TRIO: variants seen among roughly 807,000 people sequenced by gnomAD.
TRIO encodes the protein triple functional domain protein.
In TRIO, 58 loss-of-function variants were observed where a neutral mutation model predicts 351.9. The observed-to-expected ratio is 0.16, with a 90% confidence interval of 0.13 to 0.21. The LOEUF (loss-of-function observed/expected upper bound fraction) is 0.21, where lower values mean the gene tolerates loss of function less well. Among genes scored for constraint, TRIO ranks in the 10% least tolerant of loss-of-function variants. The pLI, the probability that TRIO is intolerant of heterozygous loss-of-function variation, is 1.00. For missense variants in TRIO, 3,201 were observed against 4,027.8 expected (o/e 0.79, Z 5.56); for synonymous variants, 1,758 against 1,595.7 (o/e 1.10, Z -2.42).
intron 1 of TRIO, among the ~76,000 whole-genome samples, chr5:14,232,046 A>G (rs746525495): frequency 2.0e-5 from 3 of 152,178 alleles, no homozygotes; most frequent in Non-Finnish European, 2.9e-5. Context: ...ATAAAAGCAT[A>G]CTATGTTATC....
At chr5:14,397,441 A>G in intron 29 of TRIO, 1 of 320,796 alleles carries the variant, frequency 3.1e-6, no homozygotes, top group Non-Finnish European at 5.8e-6. Context: ...TCCCTGTTAG[A>G]TGGATGGGTA....
intron 19 of TRIO, 35 bp from the exon 20 acceptor site, chr5:14,377,977 A>T: frequency 6.5e-7 from 1 of 1,527,716 alleles, no homozygotes; most frequent in Non-Finnish European, 9.0e-7. Context: ...ATTGATTGCA[A>T]GCACCAACAT....
At chr5:14,268,073 A>G (rs1241845433) in intron 1 of TRIO, among the ~76,000 whole-genome samples, 1 of 152,208 alleles carries the variant, frequency 6.6e-6, no homozygotes, top group Non-Finnish European at 1.5e-5. Flanking sequence ...TTCTTCCTCT[A>G]GAAAGACTGA....
At chr5:14,496,827 C>G (rs1215208581) in intron 49 of TRIO, 52 bp from the exon 50 acceptor site, 3 of 1,598,648 alleles carry the variant, frequency 1.9e-6, no homozygotes, top group Non-Finnish European at 1.7e-6. Flanking sequence ...CCAGGCAGCA[C>G]TTGGTGAATG....
intron 6 of TRIO, among the ~76,000 whole-genome samples, chr5:14,296,041 G>C (rs546954781): frequency 1.3e-5 from 2 of 152,350 alleles, no homozygotes; most frequent in East Asian, 3.9e-4. Context: ...TGGGTGGTCT[G>C]CAGGCAGCAA....
chr5:14,430,279 T>A (rs539337625), intron 34 of TRIO, among the ~76,000 whole-genome samples: 1 of 151,666 alleles, frequency 6.6e-6, no homozygotes, highest in African/African-American at 2.4e-5. Flanking sequence ...TCATATAAAT[T>A]ATATCTTGAG....
intron 1 of TRIO, among the ~76,000 whole-genome samples, chr5:14,246,602 C>A (rs1242651613): frequency 1.3e-5 from 2 of 152,316 alleles, no homozygotes; most frequent in African/African-American, 4.8e-5. Flanking sequence ...CCTCTTCTTC[C>A]CAGCTGAGGC....
chr5:14,355,832 A>G (rs1743566805), intron 11 of TRIO, among the ~76,000 whole-genome samples: 1 of 152,218 alleles, frequency 6.6e-6, no homozygotes, highest in African/African-American at 2.4e-5. Flanking sequence ...GTGGAATTAA[A>G]TACTGATGCC....
chr5:14,360,952 G>A (rs1744096338), intron 13 of TRIO, among the ~76,000 whole-genome samples: 1 of 152,208 alleles, frequency 6.6e-6, no homozygotes, highest in African/African-American at 2.4e-5. Flanking sequence ...GCCATGTGGA[G>A]AAGAGGCACC....
intron 34 of TRIO, among the ~76,000 whole-genome samples, chr5:14,452,902 T>C (rs922598297): frequency 6.6e-6 from 1 of 152,140 alleles, no homozygotes; most frequent in Non-Finnish European, 1.5e-5. Context: ...AAAAAACTTT[T>C]TTTTTAAGGT....
chr5:14,252,813 G>A (rs1234261118), intron 1 of TRIO, among the ~76,000 whole-genome samples: 1 of 151,780 alleles, frequency 6.6e-6, no homozygotes, highest in African/African-American at 2.4e-5. Flanking sequence ...CAGCCTTCCT[G>A]CCTCCCTAGG....
At chr5:14,232,486 GCT>G (rs1403683568) in intron 1 of TRIO, among the ~76,000 whole-genome samples, 1 of 152,182 alleles carries the variant, frequency 6.6e-6, no homozygotes, top group Non-Finnish European at 1.5e-5. Flanking sequence ...GGTGTTTGTT[GCT>G]CTGTTTGTCT....
intron 36 of TRIO, among the ~76,000 whole-genome samples, chr5:14,463,466 T>A (rs868358554): frequency 8.5e-5 from 13 of 152,344 alleles, no homozygotes; most frequent in South Asian, 2.1e-4. Context: ...TGAAAGCTCT[T>A]TGGGTCTACG....
intron 36 of TRIO, among the ~76,000 whole-genome samples, 180 bp downstream of exon 36, chr5:14,463,105 A>G (rs1255726297): frequency 1.3e-5 from 2 of 152,266 alleles, no homozygotes; most frequent in Non-Finnish European, 2.9e-5. Context: ...TGAGTAACAA[A>G]GCCATTTAGA....
chr5:14,255,828 G>A (rs933612095), intron 1 of TRIO, among the ~76,000 whole-genome samples: 2 of 152,154 alleles, frequency 1.3e-5, no homozygotes, highest in African/African-American at 4.8e-5. Flanking sequence ...AGTCATGTTG[G>A]TGTTCAAAGA....
chr5:14,312,587 A>G (rs759179281), intron 8 of TRIO, among the ~76,000 whole-genome samples: 1 of 152,208 alleles, frequency 6.6e-6, no homozygotes, highest in African/African-American at 2.4e-5. Flanking sequence ...GCTATTTAAT[A>G]AGGTTGATTT....
intron 7 of TRIO, 55 bp downstream of exon 7, chr5:14,297,318 C>T (rs1581558660): frequency 1.3e-6 from 2 of 1,550,950 alleles, no homozygotes; most frequent in East Asian, 4.7e-5. Context: ...GTTCTTCCTC[C>T]ATGAATATTG....
intron 34 of TRIO, among the ~76,000 whole-genome samples, chr5:14,441,824 A>G (rs1432835584): frequency 6.6e-6 from 1 of 152,212 alleles, no homozygotes; most frequent in Non-Finnish European, 1.5e-5. Context: ...CAGCCATATG[A>G]TAAGATAATA....
At chr5:14,144,130 T>G (rs897193803) in intron 1 of TRIO, among the ~76,000 whole-genome samples, 8 of 152,028 alleles carry the variant, frequency 5.3e-5, no homozygotes, top group African/African-American at 1.7e-4. Context: ...TCGCCCTCCC[T>G]GCGCCCGCCC....
Sources: allele counts gnomAD v4.1 joint callset (sites outside exome capture counted in the v4.1 genomes callset), GRCh38; gene constraint gnomAD v4.1.1; transcripts MANE v1.5; gene names NCBI Gene and HGNC (gene_info 2026-07-23, HGNC 2026-07-21).